The following CFLAR variants were observed in gnomAD, a reference collection of about 807,000 sequenced individuals.
CFLAR encodes CASP8 and FADD-like apoptosis regulator.
A neutral mutation model predicts 51.1 loss-of-function variants in CFLAR; 14 were observed. That is an observed-to-expected ratio of 0.27 (90% CI 0.18 to 0.43). CFLAR has a LOEUF of 0.43. Ranked by LOEUF, CFLAR falls within the 20% of genes least tolerant of loss-of-function variation. CFLAR has a pLI of 1.00. For synonymous variants in CFLAR, 210 were observed against 211.6 expected (o/e 0.99, Z 0.06); for missense variants, 390 against 566.5 (o/e 0.69, Z 3.16).
chr2:201,134,434 A>G (rs1463786860), intron 3 of CFLAR, among the ~76,000 whole-genome samples: 1 of 152,158 alleles, frequency 6.6e-6, no homozygotes, highest in Non-Finnish European at 1.5e-5. Context: ...CAGGAGTTCA[A>G]GACCAGCCTG....
At chr2:201,150,057 C>T (rs1463868004) in intron 8 of CFLAR, 2 of 328,730 alleles carry the variant, frequency 6.1e-6, no homozygotes, top group Middle Eastern at 8.9e-4. Context: ...GGTGTGGGCT[C>T]GGGCACGGTG....
In CFLAR at chr2:201,168,960, A is replaced by G. The variant is rs762982479; in HGVS notation, c.*4987A>G. On this transcript the variant is annotated 3_prime_UTR_variant, in exon 10 of 10. Transcript: ENST00000309955. Reference sequence around the variant, plus strand: ...CTACAAACCACTGCTCAAGGAAATAAGAGAGGACACAAATGAAAAAACATT... The same window carrying G: ...CTACAAACCACTGCTCAAGGAAATAGGAGAGGACACAAATGAAAAAACATT... The G allele has an allele frequency of 9.2e-5, 14 of 152,212 alleles. No individual in the cohort carries two copies. Among genetic ancestry groups the G allele is most frequent in the Non-Finnish European group, 1.5e-4 (10 of 68,026 alleles). 9.4% of individuals were successfully genotyped at this position (152,212 alleles called of 1,614,324 possible). A position where few individuals can be genotyped will look rare whatever the true frequency, so the allele number is the denominator to read the frequency against.
intron 4 of CFLAR, chr2:201,136,328 C>G (rs2050113767): frequency 3.1e-6 from 5 of 1,598,572 alleles, no homozygotes; most frequent in Non-Finnish European, 4.2e-6. Flanking sequence ...CTGCAAAATG[C>G]TGCCAAGCAG....
At chr2:201,140,863 A>C (rs185439934) in intron 5 of CFLAR, 3 of 154,646 alleles carry the variant, frequency 1.9e-5, no homozygotes, top group African/African-American at 7.2e-5. Flanking sequence ...AAAAAAGAAA[A>C]TGTAACTTTA....
intron 5 of CFLAR, 115 bp downstream of exon 5, chr2:201,140,554 G>T: frequency 1.4e-6 from 1 of 732,122 alleles, no homozygotes; most frequent in South Asian, 2.1e-5. Flanking sequence ...AATTGTGATA[G>T]AAATGTGTAT....
chr2:201,155,650 G>T (rs1231799102), intron 8 of CFLAR, among the ~76,000 whole-genome samples: 1 of 151,684 alleles, frequency 6.6e-6, no homozygotes, highest in Non-Finnish European at 1.5e-5. Flanking sequence ...TTGAGACAGG[G>T]TCTTGCTCTA....
rs987972150 is a variant in CFLAR, at chr2:201,171,839, A to G, written c.*7866A>G. 12 of 150,010 alleles carry G rather than the reference A, an allele frequency of 8.0e-5. No homozygotes were observed. The highest frequency in any genetic ancestry group is 7.2e-4 in the Admixed American group (11 of 15,220). The allele number at this position is 150,010 out of a possible 1,614,324, so 9.3% of individuals were successfully genotyped here. On this transcript the variant is annotated 3_prime_UTR_variant, in exon 10 of 10. Coordinates refer to ENST00000309955, the MANE Select transcript of CFLAR (RefSeq NM_003879.7). ...AGCTCAGCCAAATTGAACAGCTCATATCTCCTACCTCTGGATCTTTGGTTC... is the reference window on the plus strand; with the variant it reads ...AGCTCAGCCAAATTGAACAGCTCATGTCTCCTACCTCTGGATCTTTGGTTC...
At chr2:201,123,636 A>C (rs1186411277) in intron 1 of CFLAR, among the ~76,000 whole-genome samples, 1 of 152,218 alleles carries the variant, frequency 6.6e-6, no homozygotes, top group Non-Finnish European at 1.5e-5. Flanking sequence ...TCATATTGGC[A>C]ATACCTGAAC....
intron 5 of CFLAR, chr2:201,141,306 GT>G: frequency 6.6e-7 from 1 of 1,519,404 alleles, no homozygotes; most frequent in Non-Finnish European, 8.8e-7. Flanking sequence ...TTGTGAACTA[GT>G]TCATTCTGTA....
chr2:201,176,017 G>C lies in CFLAR; in HGVS notation c.*12044G>C, dbSNP rs181950055. ...AGCTACTCGGGAGGCTGAGGCAGGC[G>C]AATCAGTTGAACCTGGGAGGCGGAG... On this transcript the variant is annotated 3_prime_UTR_variant, in exon 10 of 10. Transcript: ENST00000309955. 5.3e-5 allele frequency: 8 copies of C among 152,320 alleles called. No individual in the cohort carries two copies. Among genetic ancestry groups the C allele is most frequent in the African/African-American group, 1.9e-4 (8 of 41,428 alleles). 9.4% of individuals were successfully genotyped at this position (152,320 alleles called of 1,614,324 possible).
chr2:201,132,430 A>AATATGTATATAT (rs1553543667), intron 2 of CFLAR, among the ~76,000 whole-genome samples: 10 of 137,960 alleles, frequency 7.2e-5, no homozygotes. Context: ...GGGGGGGAAA[A>AATATGTATATAT]ATATATATAT....
At chr2:201,160,302 AT>A in intron 8 of CFLAR, 129 bp from the exon 9 acceptor site, 1 of 1,032,500 alleles carries the variant, frequency 9.7e-7, no homozygotes, top group African/African-American at 1.6e-5. Context: ...ACTCAGGCAC[AT>A]CAAAATATGA....
chr2:201,123,302 C>T (rs2048363160), intron 1 of CFLAR, among the ~76,000 whole-genome samples: 1 of 152,176 alleles, frequency 6.6e-6, no homozygotes, highest in African/African-American at 2.4e-5. Context: ...TGTTCTTAGT[C>T]TGTTTTGTGC....
In CFLAR at chr2:201,138,128, T is replaced by C; in HGVS notation, c.523+2021T>C. On this transcript the variant is annotated intron_variant, in intron 4 of 9. Coordinates refer to ENST00000309955, the MANE Select transcript of CFLAR (RefSeq NM_003879.7). This position sits in a 1 kb window ranked among gnomAD's most constrained non-coding sequence, Gnocchi z 4.0. Reference sequence around the variant, plus strand: ...CCCATCCACACCAGCGTCAATCAGGTTGTTGGCCTGGGCTGCTGTCACCAC... The same window carrying C: ...CCCATCCACACCAGCGTCAATCAGGCTGTTGGCCTGGGCTGCTGTCACCAC... 1 of 781,496 alleles carries C rather than the reference T, an allele frequency of 1.3e-6. No individual in the cohort carries two copies. The highest frequency in any genetic ancestry group is 2.4e-5 in the East Asian group (1 of 40,866). 48.4% of individuals were successfully genotyped at this position (781,496 alleles called of 1,614,324 possible).
intron 8 of CFLAR, among the ~76,000 whole-genome samples, chr2:201,154,795 TTGTC>T (rs1048543515): frequency 3.3e-5 from 5 of 152,286 alleles, no homozygotes; most frequent in Non-Finnish European, 5.9e-5. Context: ...ATTTCTTTGT[TTGTC>T]CAGTAAATGT....
At chr2:201,163,778 C>A in intron 9 of CFLAR, 57 bp from the exon 10 acceptor site, 1 of 1,567,408 alleles carries the variant, frequency 6.4e-7, no homozygotes, top group South Asian at 1.2e-5. Context: ...GCCCTAATGA[C>A]AGTCTTCTCT....
At chr2:201,163,016 G>T in intron 9 of CFLAR, 1 of 755,192 alleles carries the variant, frequency 1.3e-6, no homozygotes. Flanking sequence ...CCCGGAAGTG[G>T]AATTACAGAG....
intron 7 of CFLAR, 166 bp downstream of exon 7, chr2:201,149,218 A>C (rs1210940269): frequency 4.7e-5 from 26 of 547,756 alleles, no homozygotes; most frequent in Non-Finnish European, 6.6e-6. Context: ...ACAAAGAGAA[A>C]GATGTTAAAG....
intron 3 of CFLAR, among the ~76,000 whole-genome samples, chr2:201,134,173 G>C (rs964383883): frequency 2.0e-5 from 3 of 151,838 alleles, no homozygotes; most frequent in Non-Finnish European, 4.4e-5. Flanking sequence ...AGCCGGGCGT[G>C]GTGGTAGGCA....
Sources: gnomAD v4.1 joint callset for allele counts (sites outside exome capture counted in the v4.1 genomes callset) on GRCh38, gnomAD v4.1.1 for gene constraint, Gnocchi (gnomAD v3.1) non-coding constraint, MANE v1.5 for transcripts, NCBI Gene and HGNC (gene_info 2026-07-23, HGNC 2026-07-21) for gene names.